Variants in BTBD9 observed in about 807,000 individuals in gnomAD.
The protein encoded by BTBD9 is BTB domain containing 9.
BTBD9 carries 49 observed loss-of-function variants against 64.3 expected under a neutral mutation model. The ratio of observed to expected loss-of-function variants is 0.76; its 90% CI spans 0.61 to 0.97. The LOEUF (loss-of-function observed/expected upper bound fraction) is 0.97, where lower values mean the gene tolerates loss of function less well. Ranked by LOEUF, BTBD9 falls within the 50% of genes least tolerant of loss-of-function variation. BTBD9 has a pLI of 0.00. For synonymous variants in BTBD9, 260 were observed against 274.7 expected, an observed-to-expected ratio of 0.95 and a Z score of 0.53; for missense variants, 598 against 762.1, an observed-to-expected ratio of 0.78 and a Z score of 2.53.
chr6:38,504,995 T>C (rs939165080), intron 6 of BTBD9, among the ~76,000 whole-genome samples: 1 of 152,230 alleles, frequency 6.6e-6, no homozygotes, highest in Non-Finnish European at 1.5e-5. Context: ...GACACTTTTC[T>C]GACTCTATTA....
chr6:38,419,862 C>A (rs961592955), intron 6 of BTBD9, among the ~76,000 whole-genome samples: 1 of 152,020 alleles, frequency 6.6e-6, no homozygotes, highest in Non-Finnish European at 1.5e-5. Flanking sequence ...AAGAGCGAAA[C>A]TCCATCTCAA....
rs560863880 is a variant in BTBD9, at chr6:38,585,153, G to GA, written c.815-4717dup. Among the ~76,000 whole-genome samples the GA allele has an allele frequency of 9.0e-4, 136 of 151,744 alleles. 1 individual carries two copies. The highest frequency in any genetic ancestry group is 3.0e-3 in the African/African-American group (124 of 41,322). ...CTCAGGAGACAAGAGCATGTGTACC[G>GA]ACACTACACACTCCCATGGAGGAAT... On this transcript the variant is annotated intron_variant, in intron 4 of 10. Coordinates refer to ENST00000481247, the MANE Select transcript of BTBD9 (RefSeq NM_001099272.2).
chr6:38,286,851 G>C (rs1317027700), intron 8 of BTBD9, among the ~76,000 whole-genome samples: 1 of 151,980 alleles, frequency 6.6e-6, no homozygotes, highest in African/African-American at 2.4e-5. Context: ...GGAGGCCGAG[G>C]CGGGCTGATC....
intron 6 of BTBD9, among the ~76,000 whole-genome samples, chr6:38,456,082 C>G (rs1769792209): frequency 1.3e-5 from 2 of 152,062 alleles, no homozygotes. Flanking sequence ...CTCCGGGGAT[C>G]AATCAAGTCA....
In BTBD9 at chr6:38,426,216, G is replaced by C. The variant is rs573465909; in HGVS notation, c.1155-81123C>G. Among the ~76,000 whole-genome samples the C allele has an allele frequency of 1.1e-4, 17 of 151,954 alleles. No individual in the cohort carries two copies. The South Asian group carries it at 1.9e-3, about 17-fold the overall frequency. On this transcript the variant is annotated intron_variant, in intron 6 of 10. Transcript: ENST00000481247. ...ATCCCTAAGCCTAGCTGGGAAGGCC[G>C]CATCCACCTTTAAACACGGGGCTTG... is the stretch of plus-strand genomic sequence containing the variant.
chr6:38,255,409 A>C (rs541035528), intron 9 of BTBD9, among the ~76,000 whole-genome samples: 10 of 152,320 alleles, frequency 6.6e-5, no homozygotes, highest in African/African-American at 2.4e-4. Flanking sequence ...TAAAAGTGTA[A>C]ATTTTATGGT....
intron 6 of BTBD9, among the ~76,000 whole-genome samples, chr6:38,446,148 A>G (rs983702326): frequency 6.6e-6 from 1 of 152,198 alleles, no homozygotes; most frequent in Non-Finnish European, 1.5e-5. Context: ...AGATAACTGC[A>G]GACTTGCCAC....
At chr6:38,609,196 C>T (rs1777530912) in intron 1 of BTBD9, among the ~76,000 whole-genome samples, 2 of 152,124 alleles carry the variant, frequency 1.3e-5, no homozygotes, top group South Asian at 4.1e-4. Context: ...GAAACCTCAT[C>T]TCTTCAAAAC....
intron 7 of BTBD9, among the ~76,000 whole-genome samples, chr6:38,327,727 A>G (rs141722339): frequency 1.3e-5 from 2 of 152,324 alleles, no homozygotes; most frequent in Non-Finnish European, 2.9e-5. Flanking sequence ...AGCTTCAGAG[A>G]TCTGTAGATC....
chr6:38,387,401 G>A (rs1422374797), intron 6 of BTBD9, among the ~76,000 whole-genome samples: 1 of 152,138 alleles, frequency 6.6e-6, no homozygotes, highest in Non-Finnish European at 1.5e-5. Context: ...GCCGGGTGTA[G>A]TGGCACATGC....
chr6:38,379,667 T>C (rs550421732), intron 6 of BTBD9, among the ~76,000 whole-genome samples: 1 of 152,256 alleles, frequency 6.6e-6, no homozygotes. Flanking sequence ...TAGATGCTAC[T>C]AGAAGGTGTA....
At chr6:38,587,618 T>C (rs1241224435) in intron 4 of BTBD9, 6 of 589,306 alleles carry the variant, frequency 1.0e-5, no homozygotes, top group South Asian at 6.4e-5. Flanking sequence ...CGAAGACCCC[T>C]TGAATCAAGT....
intron 4 of BTBD9, chr6:38,588,455 C>A: frequency 1.2e-6 from 1 of 827,504 alleles, no homozygotes; most frequent in Non-Finnish European, 2.0e-6. Flanking sequence ...ATGACCCCTC[C>A]TCCAACTGGG....
At chr6:38,528,289 C>A (rs1000274926) in intron 6 of BTBD9, among the ~76,000 whole-genome samples, 4 of 152,276 alleles carry the variant, frequency 2.6e-5, no homozygotes, top group Middle Eastern at 3.4e-3. Flanking sequence ...TCCTGGCAAG[C>A]CCTGCCACCA....
chr6:38,597,655 G>A (rs1279015416), intron 2 of BTBD9, among the ~76,000 whole-genome samples: 1 of 152,122 alleles, frequency 6.6e-6, no homozygotes, highest in Non-Finnish European at 1.5e-5. Flanking sequence ...ACATTCTTGA[G>A]ACCTTGAAAA....
At chr6:38,268,522 G>A (rs1209184884) in intron 8 of BTBD9, among the ~76,000 whole-genome samples, 3 of 152,220 alleles carry the variant, frequency 2.0e-5, no homozygotes, top group Admixed American at 6.5e-5. Flanking sequence ...CAGCAGGGAT[G>A]AACGACCGGC....
At chr6:38,212,328 T>C (rs1561879713) in intron 9 of BTBD9, among the ~76,000 whole-genome samples, 1 of 152,134 alleles carries the variant, frequency 6.6e-6, no homozygotes, top group Non-Finnish European at 1.5e-5. Flanking sequence ...TGTGGTTTCA[T>C]GTGTGTGAAA....
chr6:38,262,337 T>G (rs1456430976), intron 8 of BTBD9, among the ~76,000 whole-genome samples: 1 of 152,218 alleles, frequency 6.6e-6, no homozygotes, highest in Non-Finnish European at 1.5e-5. Context: ...ATCAGGTCGG[T>G]GTTTAGCTGT....
rs115227072 is a variant in BTBD9 at position 38,269,858 on chromosome 6, C to T, written c.1455-13342G>A. 2.0e-3 allele frequency among the ~76,000 whole-genome samples: 304 copies of T among 152,232 alleles called. 1 individual carries two copies. The highest frequency in any genetic ancestry group is 7.0e-3 in the African/African-American group (291 of 41,538). ...TTCTAGAAATAACCCTCCCAGGTGC[C>T]GACATGAATATTCACCAGAGTGTAC... On this transcript the variant is annotated intron_variant, in intron 8 of 10. Coordinates refer to ENST00000481247, the MANE Select transcript of BTBD9 (RefSeq NM_001099272.2).
Sources: gnomAD v4.1 joint callset for allele counts (sites outside exome capture counted in the v4.1 genomes callset) on GRCh38, gnomAD v4.1.1 for gene constraint, MANE v1.5 for transcripts, NCBI Gene and HGNC (gene_info 2026-07-23, HGNC 2026-07-21) for gene names.